The following ASPRV1 variants were observed in gnomAD, a reference collection of about 807,000 sequenced individuals.
The protein encoded by ASPRV1 is retroviral-like aspartic protease 1.
ASPRV1 carries 7 observed loss-of-function variants against 11.0 expected under a neutral mutation model. The observed-to-expected ratio is 0.64, with a 90% CI of 0.36 to 1.20. ASPRV1 has a LOEUF of 1.20. Among genes scored for constraint, ASPRV1 ranks in the 50% most tolerant of loss-of-function variants. ASPRV1 has a pLI of 0.02. For synonymous variants in ASPRV1, 136 were observed against 138.4 expected, an observed-to-expected ratio of 0.98 and a Z score of 0.12; for missense variants, 299 against 320.0, an observed-to-expected ratio of 0.93 and a Z score of 0.50.
At chr2:70,073,181 T>C in the ASPRV1 span, 1 of 152,154 alleles carries the variant, frequency 6.6e-6, no homozygotes, top group African/African-American at 2.4e-5. Flanking sequence ...GAAAGATCAT[T>C]TGTCAGGAGA....
At chr2:69,989,003 C>T in the ASPRV1 span, among the ~76,000 whole-genome samples, 1 of 152,214 alleles carries the variant, frequency 6.6e-6, no homozygotes, top group South Asian at 2.1e-4. Context: ...TTTTCCTAAA[C>T]CACTGCCTTC....
At chr2:70,072,286 T>G in the ASPRV1 span, among the ~76,000 whole-genome samples, 1 of 151,904 alleles carries the variant, frequency 6.6e-6, no homozygotes, top group Non-Finnish European at 1.5e-5. Context: ...CCTGGTGTGG[T>G]GGCACACAGT....
chr2:69,982,026 CCCTCT>C, the ASPRV1 span, among the ~76,000 whole-genome samples: 2 of 148,336 alleles, frequency 1.3e-5, no homozygotes, highest in Middle Eastern at 3.4e-3. Context: ...CTCTCTCCCT[CCCTCT>C]CATCTATCCA....
the ASPRV1 span, chr2:70,019,294 C>T: frequency 6.6e-6 from 1 of 152,132 alleles, no homozygotes; most frequent in Non-Finnish European, 1.5e-5. Flanking sequence ...GAAAAGGAAA[C>T]CTTTGCACAT....
At chr2:70,069,583 C>T in the ASPRV1 span, among the ~76,000 whole-genome samples, 1 of 152,144 alleles carries the variant, frequency 6.6e-6, no homozygotes, top group African/African-American at 2.4e-5. Flanking sequence ...AACTGAGATA[C>T]CAGGGAACTT....
chr2:69,951,563 ATATC>A, the ASPRV1 span, among the ~76,000 whole-genome samples: 1 of 149,858 alleles, frequency 6.7e-6, no homozygotes, highest in African/African-American at 2.4e-5. Context: ...TATCATATAT[ATATC>A]TATATATAAA....
At chr2:70,065,205 G>A in the ASPRV1 span, among the ~76,000 whole-genome samples, 1 of 151,630 alleles carries the variant, frequency 6.6e-6, no homozygotes, top group Admixed American at 6.6e-5. Flanking sequence ...TCAGGAGATC[G>A]AGATCATCCT....
At chr2:69,940,934 A>T in the ASPRV1 span, 1 of 152,676 alleles carries the variant, frequency 6.5e-6, no homozygotes, top group South Asian at 2.1e-4. Flanking sequence ...TCTCTCATTC[A>T]CTGATCCACC....
At chr2:70,014,017 G>A in the ASPRV1 span, among the ~76,000 whole-genome samples, 5 of 152,078 alleles carry the variant, frequency 3.3e-5, no homozygotes, top group Admixed American at 3.3e-4. Flanking sequence ...TTTCAGACAT[G>A]GTAAATATTG....
the ASPRV1 span, among the ~76,000 whole-genome samples, chr2:69,973,426 C>A: frequency 4.6e-5 from 7 of 152,128 alleles, no homozygotes; most frequent in Non-Finnish European, 1.0e-4. Context: ...ACTTGGAGTG[C>A]AGTGGAATGT....
chr2:69,935,213 T>C, the ASPRV1 span: 1 of 644,696 alleles, frequency 1.6e-6, no homozygotes, highest in Non-Finnish European at 2.8e-6. Context: ...AAAATATGTT[T>C]ATTCAGCAAA....
chr2:69,943,792 G>A, the ASPRV1 span, among the ~76,000 whole-genome samples: 1 of 152,138 alleles, frequency 6.6e-6, no homozygotes. Context: ...CCTCATCATG[G>A]CAAGTTCGCC....
chr2:70,083,162 G>C, the ASPRV1 span, among the ~76,000 whole-genome samples: 1 of 152,184 alleles, frequency 6.6e-6, no homozygotes, highest in Non-Finnish European at 1.5e-5. Context: ...AGCCTTTTGA[G>C]TTTAAGGTAA....
At chr2:70,032,455 G>A in the ASPRV1 span, among the ~76,000 whole-genome samples, 1 of 150,752 alleles carries the variant, frequency 6.6e-6, no homozygotes, top group African/African-American at 2.4e-5. Flanking sequence ...CCAGAAGTTC[G>A]AGATCAGCCT....
the ASPRV1 span, chr2:70,070,587 T>A: frequency 6.6e-6 from 1 of 151,936 alleles, no homozygotes; most frequent in African/African-American, 2.4e-5. Flanking sequence ...ATGAGGTCAG[T>A]AGGTCGAGAC....
At chr2:70,049,119 T>G in the ASPRV1 span, 1 of 151,518 alleles carries the variant, frequency 6.6e-6, no homozygotes, top group Non-Finnish European at 1.5e-5. Context: ...ACATGTGCCA[T>G]GCTGGTGTGC....
chr2:69,956,275 C>T (rs1677933322), downstream of ASPRV1, among the ~76,000 whole-genome samples: 1 of 152,002 alleles, frequency 6.6e-6, no homozygotes, highest in African/African-American at 2.4e-5. Flanking sequence ...GAAAGCTCTT[C>T]TGTAGAGTTG....
chr2:70,070,480 C>G, the ASPRV1 span: 1 of 152,098 alleles, frequency 6.6e-6, no homozygotes, highest in African/African-American at 2.4e-5. Context: ...CTCATGCCCC[C>G]CTTCTAAGAA....
the ASPRV1 span, chr2:70,080,864 G>A: frequency 6.6e-6 from 1 of 152,182 alleles, no homozygotes; most frequent in East Asian, 1.9e-4. Flanking sequence ...TCCTCTGCCT[G>A]GAATACCCTT....
Sources: allele counts gnomAD v4.1 joint callset (sites outside exome capture counted in the v4.1 genomes callset), GRCh38; gene constraint gnomAD v4.1.1; transcripts MANE v1.5; gene names NCBI Gene and HGNC (gene_info 2026-07-23, HGNC 2026-07-21).